MAP3K21: variants seen among roughly 807,000 people sequenced by gnomAD.
The protein encoded by MAP3K21 is mitogen-activated protein kinase kinase kinase MLK4.
Under a neutral mutation model 86.1 loss-of-function variants are expected in MAP3K21, and 63 were observed. The ratio of observed to expected loss-of-function variants is 0.73; its 90% CI spans 0.60 to 0.90. The LOEUF (loss-of-function observed/expected upper bound fraction) is 0.90. MAP3K21 is among the 40% of genes least tolerant of loss of function. The pLI is 0.00. For missense variants in MAP3K21, 1,220 were observed against 1,367.7 expected, an observed-to-expected ratio of 0.89 and a Z score of 1.70; for synonymous variants, 558 against 564.8, an observed-to-expected ratio of 0.99 and a Z score of 0.17.
intron 1 of MAP3K21, among the ~76,000 whole-genome samples, chr1:233,345,007 A>G (rs578103589): frequency 6.6e-6 from 1 of 152,346 alleles, no homozygotes; most frequent in South Asian, 2.1e-4. Flanking sequence ...GTCATCAGAG[A>G]AATGCAAATC....
intron 3 of MAP3K21, among the ~76,000 whole-genome samples, chr1:233,354,182 A>G (rs759490060): frequency 2.0e-5 from 3 of 152,152 alleles, no homozygotes; most frequent in Non-Finnish European, 4.4e-5. Flanking sequence ...TGACTTATTT[A>G]TGTATAAAAC....
chr1:233,355,793 C>T (rs1208404817), intron 4 of MAP3K21, among the ~76,000 whole-genome samples: 1 of 152,022 alleles, frequency 6.6e-6, no homozygotes, highest in African/African-American at 2.4e-5. Flanking sequence ...AATTTTCTGC[C>T]CTAATCCCTG....
At chr1:233,358,092 G>A (rs1017636653) in intron 4 of MAP3K21, among the ~76,000 whole-genome samples, 1 of 150,180 alleles carries the variant, frequency 6.7e-6, no homozygotes, top group Non-Finnish European at 1.5e-5. Flanking sequence ...AGTTCTAGGT[G>A]TGCCTGATGG....
chr1:233,336,538 C>CAAATAAATAAAT (rs35056283), intron 1 of MAP3K21, among the ~76,000 whole-genome samples: 51 of 147,204 alleles, frequency 3.5e-4, no homozygotes, highest in African/African-American at 1.2e-3. Context: ...CAGATGCCGT[C>CAAATAAATAAAT]AAATAAATAA....
At chr1:233,362,973 G>C (rs1391453038) in intron 5 of MAP3K21, among the ~76,000 whole-genome samples, 1 of 151,794 alleles carries the variant, frequency 6.6e-6, no homozygotes, top group African/African-American at 2.4e-5. Context: ...AAAATATATC[G>C]ATCAATATAG....
chr1:233,380,180 G>A (rs1404208944), intron 9 of MAP3K21, among the ~76,000 whole-genome samples: 3 of 152,210 alleles, frequency 2.0e-5, no homozygotes, highest in Admixed American at 6.5e-5. Context: ...GCCACAGCAT[G>A]GAGAGATGTT....
chr1:233,349,061 T>G (rs1214256973), intron 2 of MAP3K21, among the ~76,000 whole-genome samples: 2 of 152,154 alleles, frequency 1.3e-5, no homozygotes, highest in African/African-American at 4.8e-5. Context: ...TCTAAGAAAT[T>G]TATCAGTTGG....
intron 5 of MAP3K21, among the ~76,000 whole-genome samples, chr1:233,364,513 G>A (rs1187742614): frequency 2.6e-5 from 4 of 152,188 alleles, no homozygotes; most frequent in Non-Finnish European, 4.4e-5. Flanking sequence ...AATGAAAATC[G>A]TTCCAATGAT....
At chr1:233,372,540 C>A (rs552100889) in intron 6 of MAP3K21, 1 of 251,432 alleles carries the variant, frequency 4.0e-6, no homozygotes, top group Non-Finnish European at 7.5e-6. Flanking sequence ...ACTTCTGTTT[C>A]TTTCTTTGTT....
rs766210520 is a variant in MAP3K21, at chr1:233,372,143, G to A, written c.1658G>A (p.Arg553Gln). Reference sequence around the variant, plus strand: ...CCGAGCAGCCCCACAATGATGCCCCGACTCCGAGCCATACAGTGTGAGCTT... The same window carrying A: ...CCGAGCAGCCCCACAATGATGCCCCAACTCCGAGCCATACAGTGTGAGCTT... ...SPPSSPTMMP[R>Q]LRAIQLTSDE... Residue 553 changes from arginine (R) to glutamine (Q), a missense_variant, in exon 6 of 10, where the codon CGA (arginine) becomes CAA (glutamine). Transcript: ENST00000366624. 6.2e-5 allele frequency: 100 copies of A among 1,613,984 alleles called. No homozygotes were observed. The highest frequency in any genetic ancestry group is 8.5e-5 in the Non-Finnish European group (100 of 1,179,992).
At chr1:233,361,784 A>G (rs759937315) in intron 4 of MAP3K21, among the ~76,000 whole-genome samples, 1 of 152,222 alleles carries the variant, frequency 6.6e-6, no homozygotes, top group Non-Finnish European at 1.5e-5. Context: ...TAAAACTAAC[A>G]GAGGAGACTG....
rs918110491 is a variant in MAP3K21 at position 233,383,183 on chromosome 1, C to T, written c.*472C>T. On this transcript the variant is annotated 3_prime_UTR_variant, in exon 10 of 10. Transcript: ENST00000366624. ...TAATTGTCATTTTTGCAACAAAAAG[C>T]CAAGAAAGAGCTTTAGTTTCTTGGC... The T allele has an allele frequency of 6.5e-6, 1 of 153,766 alleles. No homozygotes were observed. Among genetic ancestry groups the T allele is most frequent in the Admixed American group, 6.4e-5 (1 of 15,518 alleles). The allele number at this position is 153,766 out of a possible 1,614,324, so 9.5% of individuals were successfully genotyped here. A position where few individuals can be genotyped will look rare whatever the true frequency, so the allele number is the denominator to read the frequency against.
At chr1:233,374,964 C>T (rs1202528109) in intron 6 of MAP3K21, among the ~76,000 whole-genome samples, 3 of 151,038 alleles carry the variant, frequency 2.0e-5, no homozygotes, top group South Asian at 2.1e-4. Flanking sequence ...TTTGTTGAAA[C>T]GGAGTCTTGC....
At position 233,327,977 on chromosome 1, in the gene MAP3K21, C is replaced by T; in HGVS notation, c.-52C>T. ...CCGGACGATGCGCGCCCGCGGCCGC[C>T]CGGGAGGCTGAGCCCAGCTTCCCGC... On this transcript the variant is annotated 5_prime_UTR_variant, in exon 1 of 10. Coordinates refer to ENST00000366624, the MANE Select transcript of MAP3K21 (RefSeq NM_032435.3). The T allele has an allele frequency of 8.1e-7, 1 of 1,234,186 alleles. No individual in the cohort carries two copies. The highest frequency in any genetic ancestry group is 3.6e-5 in the South Asian group (1 of 27,602). 76.5% of individuals were successfully genotyped at this position (1,234,186 alleles called of 1,614,324 possible).
intron 5 of MAP3K21, among the ~76,000 whole-genome samples, chr1:233,366,154 A>G (rs1572252855): frequency 6.6e-6 from 1 of 152,242 alleles, no homozygotes; most frequent in Non-Finnish European, 1.5e-5. Flanking sequence ...GAGTCCGTGG[A>G]AATAGAGAGT....
Position 233,327,954 on chromosome 1 carries a change from G to A in MAP3K21, c.-75G>A. The A allele has an allele frequency of 2.5e-6, 3 of 1,186,594 alleles. No individual in the cohort carries two copies. The highest frequency in any genetic ancestry group is 3.2e-6 in the Non-Finnish European group (3 of 949,104). The allele number at this position is 1,186,594 out of a possible 1,614,324, so 73.5% of individuals were successfully genotyped here. A position where few individuals can be genotyped will look rare whatever the true frequency, so the allele number is the denominator to read the frequency against. ...CCCCGGCGCCGACGGCCACACCGCC[G>A]GACGATGCGCGCCCGCGGCCGCCCG... is the stretch of plus-strand genomic sequence containing the variant. On this transcript the variant is annotated 5_prime_UTR_variant, in exon 1 of 10. Transcript: ENST00000366624.
Position 233,328,343 on chromosome 1 carries a change from C to A in MAP3K21, c.315C>A (p.Ser105Arg). 1 of 1,468,398 alleles carries A rather than the reference C, an allele frequency of 6.8e-7. No homozygotes were observed. The highest frequency in any genetic ancestry group is 2.9e-5 in the East Asian group (1 of 33,902). The allele number at this position is 1,468,398 out of a possible 1,614,324, so 91.0% of individuals were successfully genotyped here. A position where few individuals can be genotyped will look rare whatever the true frequency, so the allele number is the denominator to read the frequency against. Reference protein sequence around the residue: ...NYVAPCRPAASPAPPPSRPSS... With the variant: ...NYVAPCRPAARPAPPPSRPSS... ...TGGCTCCCTGCCGCCCGGCCGCCAGCCCCGCGCCGCCGCCCTCGCGGCCCA... is the reference window on the plus strand; with the variant it reads ...TGGCTCCCTGCCGCCCGGCCGCCAGACCCGCGCCGCCGCCCTCGCGGCCCA... The change falls in exon 1 of 10, where the codon AGC (serine) becomes AGA (arginine). Residue 105 changes from serine to arginine, a missense_variant. Around this residue, in one of 5 missense-constraint regions of MAP3K21, gnomAD observed 369 missense variants for 385.3 expected, o/e 0.96. Coordinates refer to ENST00000366624, the MANE Select transcript of MAP3K21 (RefSeq NM_032435.3). This position sits in a 1 kb window ranked among gnomAD's most constrained non-coding sequence, Gnocchi z 8.7.
rs1558459049 is a variant in MAP3K21 at position 233,362,151 on chromosome 1, CGAGATCGACGTGCTGGAGCGG to C, written c.1413_1433del (p.Ile472_Glu478del). 1 of 1,614,062 alleles carries C rather than the reference CGAGATCGACGTGCTGGAGCGG, an allele frequency of 6.2e-7. No individual in the cohort carries two copies. Among genetic ancestry groups the C allele is most frequent in the East Asian group, 2.2e-5 (1 of 44,872 alleles). ...GGCGTGAGCAGCAGCTGGCAGAGCG[CGAGATCGACGTGCTGGAGCGG>C]GAACTTAACATTCTGATATTCCAGC... On this transcript the variant is annotated inframe_deletion, in exon 5 of 10. Transcript: ENST00000366624.
intron 4 of MAP3K21, among the ~76,000 whole-genome samples, chr1:233,359,927 A>AT (rs1281888268): frequency 6.6e-6 from 1 of 151,888 alleles, no homozygotes; most frequent in African/African-American, 2.4e-5. Flanking sequence ...CTTCAATCTT[A>AT]TTTTTTTCTT....
Sources: allele counts gnomAD v4.1 joint callset (sites outside exome capture counted in the v4.1 genomes callset), GRCh38; gene constraint gnomAD v4.1.1; regional missense constraint gnomAD v4.1.1; non-coding constraint Gnocchi (gnomAD v3.1); transcripts MANE v1.5; gene names NCBI Gene and HGNC (gene_info 2026-07-23, HGNC 2026-07-21).